Variants in PSD3 observed in about 807,000 individuals in gnomAD.
PSD3 encodes PH and SEC7 domain-containing protein 3.
In PSD3, 49 loss-of-function variants were observed where a neutral mutation model predicts 105.5. That is an observed-to-expected ratio of 0.46 (90% CI 0.37 to 0.59). The LOEUF is 0.59. Among genes scored for constraint, PSD3 ranks in the 20% least tolerant of loss-of-function variants. The pLI is 0.00. For synonymous variants in PSD3, 557 were observed against 457.8 expected (o/e 1.22, Z -2.77); for missense variants, 1,561 against 1,263.8 (o/e 1.24, Z -3.57).
chr8:19,064,187 G>A (rs777100750), intron 1 of PSD3, among the ~76,000 whole-genome samples: 1 of 151,910 alleles, frequency 6.6e-6, no homozygotes, highest in Non-Finnish European at 1.5e-5. Context: ...TCAATTAAAC[G>A]AGAACTCCAA....
chr8:18,863,677 G>C (rs568376349), intron 4 of PSD3, among the ~76,000 whole-genome samples: 2 of 152,140 alleles, frequency 1.3e-5, no homozygotes, highest in Non-Finnish European at 2.9e-5. Context: ...AGGATTTTAA[G>C]AGGCTTTTCA....
chr8:18,627,611 A>G (rs993558534), intron 11 of PSD3, among the ~76,000 whole-genome samples: 2 of 152,062 alleles, frequency 1.3e-5, no homozygotes, highest in African/African-American at 4.8e-5. Context: ...GTCCCAGAAT[A>G]AAGACTGCTC....
chr8:18,538,021 A>G (rs1238020652), intron 15 of PSD3, among the ~76,000 whole-genome samples: 1 of 152,188 alleles, frequency 6.6e-6, no homozygotes, highest in South Asian at 2.1e-4. Context: ...CATGACTCCT[A>G]AAGCTGCTGC....
At chr8:18,944,475 C>T (rs13248941) in intron 1 of PSD3, among the ~76,000 whole-genome samples, 3 of 151,712 alleles carry the variant, frequency 2.0e-5, no homozygotes, top group Non-Finnish European at 4.4e-5. Flanking sequence ...GGAGGCTGAG[C>T]GAGGAGAATC....
chr8:18,777,409 C>A (rs1265438768), intron 8 of PSD3, among the ~76,000 whole-genome samples: 2 of 152,166 alleles, frequency 1.3e-5, no homozygotes, highest in Non-Finnish European at 2.9e-5. Flanking sequence ...TTCTTAAAAT[C>A]TGAACTTCAC....
chr8:18,676,735 G>C (rs1387337063), intron 9 of PSD3, among the ~76,000 whole-genome samples: 1 of 152,118 alleles, frequency 6.6e-6, no homozygotes, highest in Non-Finnish European at 1.5e-5. Flanking sequence ...GTATACTTTA[G>C]CCTTGATAAC....
intron 10 of PSD3, among the ~76,000 whole-genome samples, chr8:18,654,428 T>C (rs549676866): frequency 6.6e-6 from 1 of 152,034 alleles, no homozygotes; most frequent in Non-Finnish European, 1.5e-5. Context: ...TTAGTAAAAA[T>C]AAAAAATAAA....
chr8:18,727,551 AACACACAC>A (rs56410753), intron 9 of PSD3, among the ~76,000 whole-genome samples: 70 of 137,704 alleles, frequency 5.1e-4, no homozygotes, highest in Middle Eastern at 7.6e-3. Flanking sequence ...AAAAAATCCA[AACACACAC>A]ACACACACAC....
At chr8:18,871,236 T>C (rs1385266787) in intron 3 of PSD3, among the ~76,000 whole-genome samples, 1 of 152,182 alleles carries the variant, frequency 6.6e-6, no homozygotes, top group Non-Finnish European at 1.5e-5. Flanking sequence ...ACCAGCTATA[T>C]AGGGTGTGTC....
rs142902886 is a variant in PSD3, at chr8:18,884,725, A to G, written c.131-11992T>C. The stretch of plus-strand genomic sequence containing the variant: ...CCATTAATTGGACACTCTTTCCCCA[A>G]GTGATTAATAGTTACAGCTGTGCTT... On this transcript the variant is annotated intron_variant, in intron 2 of 15. Transcript: ENST00000327040. Among the ~76,000 whole-genome samples the G allele has an allele frequency of 4.5e-4, 69 of 152,340 alleles. No individual in the cohort carries two copies. In the East Asian group the frequency reaches 9.1e-3, roughly 20 times the overall value.
At chr8:18,591,003 G>A (rs1189961860) in intron 12 of PSD3, among the ~76,000 whole-genome samples, 1 of 152,170 alleles carries the variant, frequency 6.6e-6, no homozygotes, top group Non-Finnish European at 1.5e-5. Flanking sequence ...CTGTTAGCAA[G>A]ACAGCAGAAT....
intron 1 of PSD3, among the ~76,000 whole-genome samples, chr8:19,035,765 G>C (rs1032818205): frequency 6.6e-6 from 1 of 151,178 alleles, no homozygotes; most frequent in African/African-American, 2.4e-5. Context: ...TTTGGGGGGG[G>C]TGTGGGGGTG....
chr8:18,584,919 G>A (rs1370793921), intron 12 of PSD3, among the ~76,000 whole-genome samples: 1 of 152,130 alleles, frequency 6.6e-6, no homozygotes, highest in Non-Finnish European at 1.5e-5. Flanking sequence ...GAGAGGGAGA[G>A]GGAGCGGAGG....
chr8:18,745,544 C>G (rs1804939308), intron 9 of PSD3, among the ~76,000 whole-genome samples: 1 of 152,142 alleles, frequency 6.6e-6, no homozygotes, highest in Admixed American at 6.5e-5. Context: ...ACAAGATGTT[C>G]TAGGCTCATT....
At chr8:18,601,564 C>T (rs1043225194) in intron 11 of PSD3, among the ~76,000 whole-genome samples, 1 of 152,174 alleles carries the variant, frequency 6.6e-6, no homozygotes, top group African/African-American at 2.4e-5. Context: ...CAACACCATG[C>T]TGAGATATCC....
intron 11 of PSD3, among the ~76,000 whole-genome samples, chr8:18,605,308 A>AT (rs79208307): frequency 0.035 from 5,260 of 152,020 alleles, 308 homozygotes; most frequent in East Asian, 0.22. Context: ...CCAAATAACA[A>AT]TTTTTTGGAT....
chr8:18,765,172 T>C (rs1806869284), intron 9 of PSD3, among the ~76,000 whole-genome samples: 1 of 152,172 alleles, frequency 6.6e-6, no homozygotes, highest in Non-Finnish European at 1.5e-5. Context: ...TATTTACAAA[T>C]AAATCGAACA....
At chr8:18,961,621 G>A (rs993133715) in intron 1 of PSD3, among the ~76,000 whole-genome samples, 6 of 151,986 alleles carry the variant, frequency 3.9e-5, no homozygotes, top group Non-Finnish European at 8.8e-5. Context: ...AACCCAGGAG[G>A]CGGAGGTTGC....
chr8:18,801,959 C>T (rs1244093595), intron 6 of PSD3, among the ~76,000 whole-genome samples: 2 of 151,646 alleles, frequency 1.3e-5, no homozygotes, highest in Non-Finnish European at 2.9e-5. Flanking sequence ...TTTAAAAGGT[C>T]AGATTTAAAA....
Sources: allele counts gnomAD v4.1 joint callset (sites outside exome capture counted in the v4.1 genomes callset), GRCh38; gene constraint gnomAD v4.1.1; transcripts MANE v1.5; gene names NCBI Gene and HGNC (gene_info 2026-07-23, HGNC 2026-07-21).